Variants in CSMD1 observed in about 807,000 individuals in gnomAD.
CSMD1 encodes the protein CUB and Sushi multiple domains 1, also known as CUB and sushi domain-containing protein 1.
In CSMD1, 213 loss-of-function variants were observed where a neutral mutation model predicts 417.5. The observed-to-expected ratio is 0.51, with a 90% CI of 0.46 to 0.57. The LOEUF (loss-of-function observed/expected upper bound fraction) is 0.57. CSMD1 is among the 20% of genes least tolerant of loss of function. The probability of loss-of-function intolerance (pLI) is 0.00; values close to 1 mark genes in which losing one functional copy is unlikely to be tolerated. For missense variants in CSMD1, 6,923 were observed against 4,529.7 expected, an observed-to-expected ratio of 1.53 and a Z score of -15.17; for synonymous variants, 2,862 against 1,736.8, an observed-to-expected ratio of 1.65 and a Z score of -16.11.
intron 3 of CSMD1, among the ~76,000 whole-genome samples, chr8:4,336,755 C>G (rs921968311): frequency 6.6e-6 from 1 of 152,040 alleles, no homozygotes; most frequent in Non-Finnish European, 1.5e-5. Context: ...GTGACTGGAT[C>G]CACAATGGGC....
chr8:4,223,959 G>T (rs995238858), intron 3 of CSMD1, among the ~76,000 whole-genome samples: 1 of 152,094 alleles, frequency 6.6e-6, no homozygotes, highest in Admixed American at 6.6e-5. Flanking sequence ...GAACATACTA[G>T]TCCAACCACT....
chr8:2,955,257 A>T (rs1333393160), intron 64 of CSMD1, among the ~76,000 whole-genome samples: 1 of 152,220 alleles, frequency 6.6e-6, no homozygotes, highest in African/African-American at 2.4e-5. Context: ...TCCTGAAACT[A>T]TACCAAGTAT....
chr8:4,918,655 A>C (rs1016511825), intron 1 of CSMD1, among the ~76,000 whole-genome samples: 9 of 152,190 alleles, frequency 5.9e-5, no homozygotes, highest in African/African-American at 2.2e-4. Flanking sequence ...TTCTTTCTTG[A>C]CCCAATCTCA....
intron 2 of CSMD1, among the ~76,000 whole-genome samples, chr8:4,539,737 C>G (rs2130507376): frequency 6.6e-6 from 1 of 152,228 alleles, no homozygotes; most frequent in South Asian, 2.1e-4. Flanking sequence ...TTTACGGAAA[C>G]AAAATGTTTT....
At chr8:4,319,740 C>CG (rs1195265976) in intron 3 of CSMD1, among the ~76,000 whole-genome samples, 9 of 151,436 alleles carry the variant, frequency 5.9e-5, no homozygotes, top group East Asian at 1.9e-4. Context: ...TGAGACTTGC[C>CG]GGGGGGCCAA....
In CSMD1 at chr8:4,692,823, T is replaced by C. The variant is rs1035419102; in HGVS notation, c.86-55265A>G. On this transcript the variant is annotated intron_variant, in intron 1 of 69. Coordinates refer to ENST00000635120, the MANE Select transcript of CSMD1 (RefSeq NM_033225.6). Reference sequence around the variant, plus strand: ...TTCTCAAATTTTTAAATTTCTACCATAGCAGTCATGAACTACTTTCTCATC... The same window carrying C: ...TTCTCAAATTTTTAAATTTCTACCACAGCAGTCATGAACTACTTTCTCATC... Among the ~76,000 whole-genome samples the C allele has an allele frequency of 3.3e-5, 5 of 152,314 alleles. No homozygotes were observed. In the South Asian group the frequency reaches 8.3e-4, roughly 25 times the overall value.
Position 3,151,217 on chromosome 8 carries a change from T to G in CSMD1, c.6031+180A>C, listed in dbSNP as rs2129035688. On this transcript the variant is annotated intron_variant, in intron 40 of 69. Transcript: ENST00000635120. ...AAAAGAGTTGCATGGCTTAATTGATTTTTCAAATAAGTTTTCCACTCTCAA... is the reference window on the plus strand; with the variant it reads ...AAAAGAGTTGCATGGCTTAATTGATGTTTCAAATAAGTTTTCCACTCTCAA... 5.8e-6 allele frequency: 3 copies of G among 519,560 alleles called. No individual in the cohort carries two copies. The East Asian group carries it at 8.9e-5, about 15-fold the overall frequency. 32.2% of individuals were successfully genotyped at this position (519,560 alleles called of 1,614,324 possible). A position where few individuals can be genotyped will look rare whatever the true frequency, so the allele number is the denominator to read the frequency against.
chr8:3,180,817 A>T (rs1029044226), intron 37 of CSMD1, among the ~76,000 whole-genome samples: 1 of 151,438 alleles, frequency 6.6e-6, no homozygotes, highest in African/African-American at 2.4e-5. Flanking sequence ...TATTATTATT[A>T]TTTTTTAGTA....
intron 1 of CSMD1, among the ~76,000 whole-genome samples, chr8:4,689,677 C>T (rs776379380): frequency 6.6e-6 from 1 of 151,884 alleles, no homozygotes; most frequent in South Asian, 2.1e-4. Flanking sequence ...CTTTTTTTTG[C>T]GAAATGCCTT....
intron 50 of CSMD1, among the ~76,000 whole-genome samples, chr8:3,045,810 A>C (rs7387095): frequency 0.5 from 76,470 of 151,916 alleles, 19,723 homozygotes; most frequent in Non-Finnish European, 0.57. Flanking sequence ...TACTCAACTC[A>C]TGCCTTCTTT....
chr8:3,273,543 T>G (rs372474049), intron 26 of CSMD1, among the ~76,000 whole-genome samples: 2 of 152,196 alleles, frequency 1.3e-5, no homozygotes, highest in African/African-American at 4.8e-5. Flanking sequence ...TAGAATTCGG[T>G]TGTGAGTCCA....
chr8:4,836,084 A>G (rs1800460385), intron 1 of CSMD1, among the ~76,000 whole-genome samples: 1 of 152,166 alleles, frequency 6.6e-6, no homozygotes, highest in Non-Finnish European at 1.5e-5. Context: ...ATACACAAGT[A>G]ATGCAAGAAA....
chr8:3,155,071 G>A (rs1819433872), intron 39 of CSMD1, among the ~76,000 whole-genome samples: 1 of 152,032 alleles, frequency 6.6e-6, no homozygotes, highest in Non-Finnish European at 1.5e-5. Context: ...TATTTACGAT[G>A]TTAAGTAAAA....
chr8:4,792,530 G>A (rs928675952), intron 1 of CSMD1, among the ~76,000 whole-genome samples: 2 of 152,082 alleles, frequency 1.3e-5, no homozygotes, highest in Admixed American at 6.6e-5. Flanking sequence ...TGCTTTGGGT[G>A]ATCACGCACC....
At chr8:3,999,061 TA>T (rs1393706265) in intron 4 of CSMD1, among the ~76,000 whole-genome samples, 2 of 150,426 alleles carry the variant, frequency 1.3e-5, no homozygotes, top group Non-Finnish European at 3.0e-5. Flanking sequence ...GTTATATATA[TA>T]AATTACATAT....
intron 5 of CSMD1, among the ~76,000 whole-genome samples, chr8:3,801,637 A>C (rs1305221051): frequency 1.3e-4 from 10 of 74,354 alleles, no homozygotes; most frequent in Admixed American, 1.1e-3. Flanking sequence ...ACCCAAGAAA[A>C]CTGAAAACAT....
chr8:4,050,967 G>C (rs914484149), intron 3 of CSMD1, among the ~76,000 whole-genome samples: 2 of 152,024 alleles, frequency 1.3e-5, no homozygotes, highest in Non-Finnish European at 2.9e-5. Context: ...TTGGAGAAAG[G>C]CTGCAGATGG....
At chr8:4,952,470 A>T (rs921073635) in intron 1 of CSMD1, among the ~76,000 whole-genome samples, 20 of 152,228 alleles carry the variant, frequency 1.3e-4, no homozygotes, top group African/African-American at 4.8e-4. Flanking sequence ...GTCTAAAAGA[A>T]AAGGCAAAAT....
intron 5 of CSMD1, among the ~76,000 whole-genome samples, chr8:3,900,140 G>T (rs375887630): frequency 2.4e-4 from 36 of 152,236 alleles, no homozygotes; most frequent in African/African-American, 8.4e-4. Flanking sequence ...GCAGCTGGGT[G>T]ACAGTGCAGC....
Sources: allele counts gnomAD v4.1 joint callset (sites outside exome capture counted in the v4.1 genomes callset), GRCh38; gene constraint gnomAD v4.1.1; transcripts MANE v1.5; gene names NCBI Gene and HGNC (gene_info 2026-07-23, HGNC 2026-07-21).